THRAP3: variants seen among roughly 807,000 people sequenced by gnomAD.
The protein encoded by THRAP3 is thyroid hormone receptor associated protein 3.
A neutral mutation model predicts 101.0 loss-of-function variants in THRAP3; 16 were observed. That is an observed-to-expected ratio of 0.16 (90% CI 0.11 to 0.24). The LOEUF (loss-of-function observed/expected upper bound fraction) is 0.24, where lower values mean the gene tolerates loss of function less well. Ranked by LOEUF, THRAP3 falls within the 10% of genes least tolerant of loss-of-function variation. The probability of loss-of-function intolerance (pLI) is 1.00; values close to 1 mark genes in which losing one functional copy is unlikely to be tolerated. For missense variants in THRAP3, 989 were observed against 1,202.7 expected (o/e 0.82, Z 2.63); for synonymous variants, 407 against 422.6 (o/e 0.96, Z 0.45).
chr1:36,280,197 A>G (rs1036618024), intron 2 of THRAP3, among the ~76,000 whole-genome samples: 6 of 152,200 alleles, frequency 3.9e-5, no homozygotes, highest in Non-Finnish European at 7.3e-5. Flanking sequence ...TACTTTCTCT[A>G]TGCCTCAAAA....
At chr1:36,224,155 G>C (rs535459324), upstream of THRAP3, among the ~76,000 whole-genome samples, 5 of 152,362 alleles carry the variant, frequency 3.3e-5, no homozygotes, top group African/African-American at 1.2e-4. Context: ...GGTGGGGGCA[G>C]TGGCGTCAGC....
At chr1:36,243,931 C>T (rs1305997708) in intron 1 of THRAP3, among the ~76,000 whole-genome samples, 2 of 117,054 alleles carry the variant, frequency 1.7e-5, no homozygotes, top group Non-Finnish European at 3.7e-5. Context: ...GGGCTGACCC[C>T]CCCACCTCCC....
At chr1:36,280,274 G>T (rs543622085) in intron 2 of THRAP3, among the ~76,000 whole-genome samples, 1 of 152,280 alleles carries the variant, frequency 6.6e-6, no homozygotes, top group Admixed American at 6.5e-5. Flanking sequence ...AAAAACACTG[G>T]TTAAGCATTT....
chr1:36,222,792 A>C (rs1382455259), upstream of THRAP3, among the ~76,000 whole-genome samples: 1 of 152,208 alleles, frequency 6.6e-6, no homozygotes, highest in Non-Finnish European at 1.5e-5. Flanking sequence ...AGTATTTTAC[A>C]CTGGGCATTG....
chr1:36,261,141 T>TA (rs1420670323), intron 2 of THRAP3, among the ~76,000 whole-genome samples: 1 of 152,182 alleles, frequency 6.6e-6, no homozygotes, highest in Non-Finnish European at 1.5e-5. Context: ...CTCACACCTG[T>TA]AAGCGAAGCA....
the THRAP3 span, among the ~76,000 whole-genome samples, chr1:36,215,364 T>C: frequency 6.6e-6 from 1 of 152,196 alleles, no homozygotes. Context: ...TCTCCTCCTA[T>C]TACACTCCAG....
chr1:36,301,827 G>A (rs1406037414), intron 11 of THRAP3, 131 bp downstream of exon 11: 4 of 1,146,822 alleles, frequency 3.5e-6, no homozygotes, highest in Non-Finnish European at 3.7e-6. Context: ...TGGGGCATGT[G>A]TACTTGCATA....
intron 4 of THRAP3, chr1:36,287,900 A>G (rs1265395703): frequency 1.5e-5 from 15 of 985,220 alleles, no homozygotes; most frequent in Non-Finnish European, 1.7e-5. Flanking sequence ...CTTTGTTTGT[A>G]TGGTTGGATG....
intron 1 of THRAP3, among the ~76,000 whole-genome samples, chr1:36,239,318 G>A (rs528023329): frequency 4.1e-4 from 59 of 145,262 alleles, no homozygotes; most frequent in African/African-American, 1.5e-3. Flanking sequence ...GGAGTGCAGT[G>A]GCTCGATGTC....
intron 2 of THRAP3, among the ~76,000 whole-genome samples, chr1:36,268,499 G>C (rs950917622): frequency 6.6e-6 from 1 of 152,050 alleles, no homozygotes; most frequent in Non-Finnish European, 1.5e-5. Context: ...TATTTTGGGG[G>C]AAACTGTTTT....
intron 1 of THRAP3, among the ~76,000 whole-genome samples, chr1:36,242,777 G>A (rs1001064116): frequency 3.9e-5 from 6 of 152,164 alleles, no homozygotes; most frequent in Non-Finnish European, 7.4e-5. Flanking sequence ...AAGGCATATA[G>A]ATAGATTTGT....
intron 1 of THRAP3, among the ~76,000 whole-genome samples, chr1:36,226,749 C>G (rs1644966626): frequency 6.6e-6 from 1 of 152,110 alleles, no homozygotes; most frequent in Non-Finnish European, 1.5e-5. Flanking sequence ...CTGTTTGACT[C>G]TGGTTGATTG....
intron 2 of THRAP3, among the ~76,000 whole-genome samples, chr1:36,278,635 G>C (rs1645691660): frequency 6.6e-6 from 1 of 152,146 alleles, no homozygotes; most frequent in Admixed American, 6.5e-5. Context: ...TTGAAATTCT[G>C]TCCTTGTGCC....
chr1:36,252,462 T>C (rs1645314873), intron 1 of THRAP3, among the ~76,000 whole-genome samples: 1 of 152,152 alleles, frequency 6.6e-6, no homozygotes, highest in Non-Finnish European at 1.5e-5. Flanking sequence ...TAAATGCATT[T>C]GTTAGACAAA....
chr1:36,266,190 G>A (rs114599496), intron 2 of THRAP3, among the ~76,000 whole-genome samples: 1,509 of 150,838 alleles, frequency 0.01, 26 homozygotes, highest in African/African-American at 0.034. Flanking sequence ...GCATTGTGGC[G>A]TACCTGTAGT....
chr1:36,299,009 G>T (rs894189434), intron 9 of THRAP3, among the ~76,000 whole-genome samples: 6 of 152,008 alleles, frequency 3.9e-5, no homozygotes, highest in Non-Finnish European at 7.4e-5. Context: ...GCCCAGGATG[G>T]TCTAGAACTC....
intron 8 of THRAP3, among the ~76,000 whole-genome samples, chr1:36,295,039 C>T (rs1645927211): frequency 6.6e-6 from 1 of 152,120 alleles, no homozygotes; most frequent in Non-Finnish European, 1.5e-5. Flanking sequence ...GCCTGACCTA[C>T]ATGGTGAAAC....
At chr1:36,226,554 C>T (rs1193259212) in intron 1 of THRAP3, among the ~76,000 whole-genome samples, 1 of 152,166 alleles carries the variant, frequency 6.6e-6, no homozygotes, top group East Asian at 1.9e-4. Context: ...CCACCGCGCC[C>T]GGCCACGATT....
chr1:36,292,199 C>T (rs1461316631), intron 6 of THRAP3, among the ~76,000 whole-genome samples: 2 of 146,998 alleles, frequency 1.4e-5, no homozygotes, highest in African/African-American at 2.5e-5. Flanking sequence ...TCTGTGGTTA[C>T]GGGTTCCTGC....
Sources: gnomAD v4.1 joint callset for allele counts (sites outside exome capture counted in the v4.1 genomes callset) on GRCh38, gnomAD v4.1.1 for gene constraint, MANE v1.5 for transcripts, NCBI Gene and HGNC (gene_info 2026-07-23, HGNC 2026-07-21) for gene names.